BTRC: variants seen among roughly 807,000 people sequenced by gnomAD.
The protein encoded by BTRC is F-box/WD repeat-containing protein 1A.
In BTRC, 42 loss-of-function variants were observed where a neutral mutation model predicts 85.5. The ratio of observed to expected loss-of-function variants is 0.49; its 90% confidence interval spans 0.38 to 0.64. The LOEUF (loss-of-function observed/expected upper bound fraction) is 0.64, where lower values mean the gene tolerates loss of function less well. BTRC is among the 30% of genes least tolerant of loss of function. BTRC has a pLI of 0.00. For synonymous variants in BTRC, 255 were observed against 263.3 expected, an observed-to-expected ratio of 0.97 and a Z score of 0.30; for missense variants, 594 against 743.5, an observed-to-expected ratio of 0.80 and a Z score of 2.34.
At chr10:101,549,789 A>T (rs2062621981) in intron 13 of BTRC, among the ~76,000 whole-genome samples, 1 of 147,270 alleles carries the variant, frequency 6.8e-6, no homozygotes. Context: ...AAGGGGTGTG[A>T]GATTGTTTTC....
chr10:101,502,361 A>C (rs1946418299), intron 4 of BTRC, among the ~76,000 whole-genome samples: 1 of 152,042 alleles, frequency 6.6e-6, no homozygotes, highest in Non-Finnish European at 1.5e-5. Context: ...ATGGGAAAAC[A>C]TTGTAGCAAT....
At chr10:101,456,222 G>C (rs891655971) in intron 2 of BTRC, among the ~76,000 whole-genome samples, 2 of 151,986 alleles carry the variant, frequency 1.3e-5, no homozygotes, top group African/African-American at 4.8e-5. Flanking sequence ...TATATCATTT[G>C]GATTTAGGCA....
intron 5 of BTRC, among the ~76,000 whole-genome samples, chr10:101,523,461 A>C (rs1343491098): frequency 2.6e-5 from 4 of 152,146 alleles, no homozygotes; most frequent in Non-Finnish European, 5.9e-5. Context: ...GTGTATTCAA[A>C]GTTTATTTTA....
chr10:101,415,498 TA>T (rs1943912792), intron 1 of BTRC, among the ~76,000 whole-genome samples: 1 of 3,352 alleles, frequency 3.0e-4, no homozygotes, highest in Non-Finnish European at 5.2e-3. Flanking sequence ...TATGTTATGT[TA>T]TGTTATGTTA....
chr10:101,440,796 A>G (rs2134110150), intron 2 of BTRC, among the ~76,000 whole-genome samples: 1 of 152,316 alleles, frequency 6.6e-6, no homozygotes, highest in South Asian at 2.1e-4. Flanking sequence ...GCTGTTCTGC[A>G]TCAGTCTAGT....
chr10:101,507,448 C>T (rs1020196954), intron 4 of BTRC, among the ~76,000 whole-genome samples: 32 of 152,106 alleles, frequency 2.1e-4, no homozygotes, highest in South Asian at 4.1e-4. Flanking sequence ...CGCTCCGATC[C>T]GGGGAAATGA....
In BTRC at chr10:101,536,565, G is replaced by A. The variant is rs371432679; in HGVS notation, c.1489G>A (p.Ala497Thr). Reference protein sequence around the residue: ...TIRLWDIECGACLRVLEGHEE... With the variant: ...TIRLWDIECGTCLRVLEGHEE... ...CAGATTATGGGACATAGAATGTGGT[G>A]CATGTTTACGAGTGTTAGAAGGCCA... Residue 497 changes from alanine (A) to threonine (T), a missense_variant, in exon 12 of 15, where the codon GCA becomes ACA. Ala to Thr is a moderately conservative substitution (Grantham distance 58). Coordinates refer to ENST00000370187, the MANE Select transcript of BTRC (RefSeq NM_033637.4). The A allele has an allele frequency of 1.2e-6, 2 of 1,613,362 alleles. No homozygotes were observed. Among genetic ancestry groups the A allele is most frequent in the Non-Finnish European group, 1.7e-6 (2 of 1,179,358 alleles).
chr10:101,400,829 CTCT>C (rs1259542506), intron 1 of BTRC, among the ~76,000 whole-genome samples: 7 of 152,178 alleles, frequency 4.6e-5, no homozygotes, highest in Admixed American at 6.5e-5. Context: ...CTTCTATTTG[CTCT>C]TCTTGTTATA....
At chr10:101,491,327 G>A (rs1946127560) in intron 4 of BTRC, among the ~76,000 whole-genome samples, 1 of 152,176 alleles carries the variant, frequency 6.6e-6, no homozygotes, top group Non-Finnish European at 1.5e-5. Flanking sequence ...TGTAGTGTAA[G>A]CATGCACTGG....
intron 6 of BTRC, among the ~76,000 whole-genome samples, chr10:101,530,591 C>T (rs2062265192): frequency 1.3e-5 from 2 of 151,890 alleles, no homozygotes; most frequent in Non-Finnish European, 2.9e-5. Context: ...TGAATCTAAG[C>T]AGTAGTCTTA....
intron 1 of BTRC, among the ~76,000 whole-genome samples, chr10:101,370,974 A>G (rs774294815): frequency 5.3e-5 from 8 of 152,146 alleles, no homozygotes; most frequent in Non-Finnish European, 1.0e-4. Flanking sequence ...AACATTTTTT[A>G]TTGTGGTAAA....
At chr10:101,534,033 A>G (rs1475902761) in intron 9 of BTRC, among the ~76,000 whole-genome samples, 1 of 152,240 alleles carries the variant, frequency 6.6e-6, no homozygotes, top group Admixed American at 6.5e-5. Context: ...CCTTAAGTAA[A>G]TACACAAAAA....
chr10:101,376,456 A>G (rs1471067524), intron 1 of BTRC, among the ~76,000 whole-genome samples: 1 of 152,228 alleles, frequency 6.6e-6, no homozygotes, highest in Admixed American at 6.5e-5. Flanking sequence ...GTTTGCAGCT[A>G]GAGAAATAGT....
At chr10:101,411,898 CA>C (rs908606649) in intron 1 of BTRC, among the ~76,000 whole-genome samples, 2 of 152,144 alleles carry the variant, frequency 1.3e-5, no homozygotes, top group Admixed American at 6.6e-5. Flanking sequence ...AAGTTTTTTG[CA>C]GATCAACTTG....
At chr10:101,509,895 C>G (rs1355472579) in intron 4 of BTRC, among the ~76,000 whole-genome samples, 1 of 151,524 alleles carries the variant, frequency 6.6e-6, no homozygotes, top group Non-Finnish European at 1.5e-5. Context: ...TGGCCGGGTG[C>G]GATGGCTCAT....
chr10:101,384,155 C>T (rs1307852365), intron 1 of BTRC, among the ~76,000 whole-genome samples: 1 of 152,204 alleles, frequency 6.6e-6, no homozygotes, highest in Non-Finnish European at 1.5e-5. Context: ...TATACTTTAG[C>T]AACTGGTTTT....
At chr10:101,399,050 T>C (rs1308390034) in intron 1 of BTRC, among the ~76,000 whole-genome samples, 1 of 152,184 alleles carries the variant, frequency 6.6e-6, no homozygotes, top group Non-Finnish European at 1.5e-5. Flanking sequence ...CCTCCTGGGC[T>C]CAAGCGATTC....
intron 3 of BTRC, among the ~76,000 whole-genome samples, chr10:101,470,731 T>G (rs1319138475): frequency 1.3e-5 from 2 of 152,198 alleles, no homozygotes; most frequent in African/African-American, 4.8e-5. Context: ...TTCTGGGAGC[T>G]TTATAAGTTT....
At chr10:101,535,263 TC>T (rs2134424517) in intron 10 of BTRC, 90 bp from the exon 11 acceptor site, 2 of 948,282 alleles carry the variant, frequency 2.1e-6, no homozygotes, top group South Asian at 3.0e-5. Context: ...AATGGTTCAG[TC>T]CTGTTTTCTG....
Sources: gnomAD v4.1 joint callset for allele counts (sites outside exome capture counted in the v4.1 genomes callset) on GRCh38, gnomAD v4.1.1 for gene constraint, MANE v1.5 for transcripts, NCBI Gene and HGNC (gene_info 2026-07-23, HGNC 2026-07-21) for gene names.